MRC1: variants seen among roughly 807,000 people sequenced by gnomAD.
The protein encoded by MRC1 is mannose receptor C-type 1, also known as macrophage mannose receptor 1.
In MRC1, 62 loss-of-function variants were observed where a neutral mutation model predicts 102.9. The observed-to-expected ratio is 0.60, with a 90% confidence interval of 0.49 to 0.74. The LOEUF is 0.74. Among genes scored for constraint, MRC1 ranks in the 30% least tolerant of loss-of-function variants. The probability of loss-of-function intolerance (pLI) is 0.00; values close to 1 mark genes in which losing one functional copy is unlikely to be tolerated. For synonymous variants in MRC1, 457 were observed against 298.4 expected (o/e 1.53, Z -5.48); for missense variants, 1,237 against 862.8 (o/e 1.43, Z -5.43).
intron 4 of MRC1, among the ~76,000 whole-genome samples, chr10:17,837,431 G>T (rs1410592310): frequency 1.3e-5 from 2 of 152,186 alleles, no homozygotes; most frequent in Admixed American, 1.3e-4. Flanking sequence ...GATACTCAGT[G>T]TTGATTGAGA....
chr10:17,824,896 C>T (rs1282498531), intron 2 of MRC1, among the ~76,000 whole-genome samples: 1 of 152,086 alleles, frequency 6.6e-6, no homozygotes, highest in Non-Finnish European at 1.5e-5. Context: ...TAATAGTTCT[C>T]AAACTTTAAT....
In MRC1 at chr10:17,864,378, T is replaced by C. The variant is rs991308090; in HGVS notation, c.1783+696T>C. On this transcript the variant is annotated intron_variant, in intron 11 of 29. Coordinates refer to ENST00000569591, the MANE Select transcript of MRC1 (RefSeq NM_002438.4). ...TTTTCAGTGCAATTAGGAGTTGAAA[T>C]ATTAGAGTGGTTGGGTGGGGCAGCA... 1.2e-4 allele frequency among the ~76,000 whole-genome samples: 19 copies of C among 152,256 alleles called. 2 individuals carry two copies. In the South Asian group the frequency reaches 1.9e-3, roughly 15 times the overall value.
intron 3 of MRC1, among the ~76,000 whole-genome samples, chr10:17,832,418 G>A (rs1426985829): frequency 6.7e-6 from 1 of 150,046 alleles, no homozygotes; most frequent in Non-Finnish European, 1.5e-5. Flanking sequence ...AGCCGGGCGT[G>A]GCGGCGTGTG....
intron 22 of MRC1, among the ~76,000 whole-genome samples, chr10:17,889,104 T>C (rs2130702794): frequency 6.6e-6 from 1 of 152,348 alleles, no homozygotes; most frequent in African/African-American, 2.4e-5. Context: ...TTTTGATTAG[T>C]GTTAGTGTAG....
intron 21 of MRC1, among the ~76,000 whole-genome samples, chr10:17,882,847 A>G (rs1833538358): frequency 1.3e-5 from 2 of 152,194 alleles, no homozygotes; most frequent in African/African-American, 4.8e-5. Flanking sequence ...AGAGAAACAC[A>G]ATAATTGATT....
At chr10:17,811,954 G>A (rs992867499) in intron 1 of MRC1, among the ~76,000 whole-genome samples, 1 of 152,048 alleles carries the variant, frequency 6.6e-6, no homozygotes, top group African/African-American at 2.4e-5. Flanking sequence ...TAAAGGCAGG[G>A]CACCTGCTTA....
intron 9 of MRC1, among the ~76,000 whole-genome samples, chr10:17,859,405 C>T (rs1170882997): frequency 2.0e-5 from 3 of 152,076 alleles, no homozygotes; most frequent in Non-Finnish European, 4.4e-5. Flanking sequence ...GCAACCTCTA[C>T]CACATGGGTT....
chr10:17,907,981 C>A (rs1589198170), intron 28 of MRC1, among the ~76,000 whole-genome samples: 2 of 152,280 alleles, frequency 1.3e-5, no homozygotes, highest in African/African-American at 4.8e-5. Context: ...TCAGGAGAGC[C>A]CATCTACAAA....
chr10:17,857,284 G>A (rs1479183900), intron 9 of MRC1, among the ~76,000 whole-genome samples: 1 of 152,118 alleles, frequency 6.6e-6, no homozygotes, highest in Non-Finnish European at 1.5e-5. Flanking sequence ...CAGAGGCAAG[G>A]GTAGAACCCA....
At chr10:17,883,574 G>C (rs1833548757) in intron 21 of MRC1, among the ~76,000 whole-genome samples, 1 of 151,962 alleles carries the variant, frequency 6.6e-6, no homozygotes, top group Non-Finnish European at 1.5e-5. Context: ...CAATGGAATT[G>C]CTTGAAATTT....
intron 25 of MRC1, 56 bp downstream of exon 25, chr10:17,901,009 A>G (rs1833822360): frequency 2.6e-6 from 2 of 758,104 alleles, no homozygotes; most frequent in Middle Eastern, 2.6e-4. Context: ...ATAAGCTACT[A>G]CATACCACTG....
intron 26 of MRC1, among the ~76,000 whole-genome samples, chr10:17,903,391 T>C (rs1368833402): frequency 1.7e-5 from 2 of 121,148 alleles, no homozygotes; most frequent in South Asian, 2.5e-4. Context: ...TCTTTTTTTT[T>C]CTTTTTTTTT....
At chr10:17,837,004 G>T (rs2985838) in intron 4 of MRC1, among the ~76,000 whole-genome samples, 39 of 152,160 alleles carry the variant, frequency 2.6e-4, no homozygotes, top group African/African-American at 8.9e-4. Context: ...TACTTTGTGC[G>T]CTCTCCACCA....
chr10:17,903,064 ATT>A (rs1423457396), intron 26 of MRC1, among the ~76,000 whole-genome samples: 1 of 151,964 alleles, frequency 6.6e-6, no homozygotes, highest in Non-Finnish European at 1.5e-5. Flanking sequence ...TTTTTTGGCT[ATT>A]GTTTGCTTAG....
intron 26 of MRC1, among the ~76,000 whole-genome samples, chr10:17,902,717 A>G (rs919849283): frequency 1.3e-5 from 2 of 152,210 alleles, no homozygotes; most frequent in Non-Finnish European, 2.9e-5. Flanking sequence ...TGGTACGCAC[A>G]GTTTATAACC....
rs1334160403 is a variant in MRC1, at chr10:17,809,477, C to T, written c.12C>T (p.Pro4=). The change falls in exon 1 of 30, where the codon CCC becomes CCT. Residue 4 remains proline, a synonymous_variant. Transcript: ENST00000569591. The part of the protein sequence containing the change: MRL[P]LLLVFASVIP... ...ATAAACCCTGGGCCATGAGGCTACCCCTGCTCCTGGTTTTTGCCTCTGTCA... is the reference window on the plus strand; with the variant it reads ...ATAAACCCTGGGCCATGAGGCTACCTCTGCTCCTGGTTTTTGCCTCTGTCA... The T allele has an allele frequency of 5.7e-6, 5 of 872,638 alleles. No individual in the cohort carries two copies. Among genetic ancestry groups the T allele is most frequent in the South Asian group, 1.3e-5 (1 of 76,544 alleles). 54.1% of individuals were successfully genotyped at this position (872,638 alleles called of 1,614,324 possible). A position where few individuals can be genotyped will look rare whatever the true frequency, so the allele number is the denominator to read the frequency against.
At chr10:17,878,773 C>T (rs1436256106) in intron 18 of MRC1, among the ~76,000 whole-genome samples, 4 of 152,078 alleles carry the variant, frequency 2.6e-5, no homozygotes, top group Non-Finnish European at 4.4e-5. Context: ...AGCAATCCTT[C>T]CGCTTCAGCC....
At chr10:17,833,202 A>G (rs1838605966) in intron 3 of MRC1, among the ~76,000 whole-genome samples, 1 of 152,118 alleles carries the variant, frequency 6.6e-6, no homozygotes, top group African/African-American at 2.4e-5. Context: ...TCAGGAGTAA[A>G]GAAAATCTCA....
intron 6 of MRC1, 74 bp downstream of exon 6, chr10:17,845,509 A>G (rs1460706086): frequency 1.3e-6 from 1 of 770,890 alleles, no homozygotes. Flanking sequence ...GCTTAGGTGT[A>G]ACTGTTGGAA....
Sources: allele counts gnomAD v4.1 joint callset (sites outside exome capture counted in the v4.1 genomes callset), GRCh38; gene constraint gnomAD v4.1.1; transcripts MANE v1.5; gene names NCBI Gene and HGNC (gene_info 2026-07-23, HGNC 2026-07-21).